The following ASGR2 variants were observed in gnomAD, a reference collection of about 807,000 sequenced individuals.
ASGR2 encodes the protein C-type lectin domain family 4 member H2.
ASGR2 carries 34 observed loss-of-function variants against 32.3 expected under a neutral mutation model. That is an observed-to-expected ratio of 1.05 (90% CI 0.80 to 1.40). The LOEUF (loss-of-function observed/expected upper bound fraction) is 1.40. ASGR2 is among the 40% of genes most tolerant of loss of function. The pLI is 0.00. For synonymous variants in ASGR2, 143 were observed against 150.0 expected, an observed-to-expected ratio of 0.95 and a Z score of 0.34; for missense variants, 385 against 386.4, an observed-to-expected ratio of 1.00 and a Z score of 0.03.
In ASGR2 at chr17:7,114,806, C is replaced by G. The variant is rs183301562; in HGVS notation, c.-262G>C. The G allele has an allele frequency of 8.6e-4, 855 of 989,622 alleles. No homozygotes were observed. Among genetic ancestry groups the G allele is most frequent in the Middle Eastern group, 1.0e-3 (2 of 1,926 alleles). 61.3% of individuals were successfully genotyped at this position (989,622 alleles called of 1,614,324 possible). On this transcript the variant is annotated 5_prime_UTR_variant, in exon 1 of 9. Coordinates refer to ENST00000691900, the MANE Select transcript of ASGR2 (RefSeq NM_001201352.2). This position sits in a 1 kb window ranked among gnomAD's most constrained non-coding sequence, Gnocchi z 4.5. ...AAGCTCTAACCTGGCACCTCCTGGC[C>G]TGGGACTTTGGACAGTAAACAGAAG... is the stretch of plus-strand genomic sequence containing the variant.
chr17:7,113,944 T>C lies in ASGR2; in HGVS notation c.124+173A>G, dbSNP rs1424279313. 6.6e-6 allele frequency among the ~76,000 whole-genome samples: 1 copy of C among 152,210 alleles called. No homozygotes were observed. Among genetic ancestry groups the C allele is most frequent in the Non-Finnish European group, 1.5e-5 (1 of 68,026 alleles). On this transcript the variant is annotated intron_variant, in intron 2 of 8. Transcript: ENST00000691900. This position sits in a 1 kb window ranked among gnomAD's most constrained non-coding sequence, Gnocchi z 5.1. ...CAGATCTCCCCACACCTCTGGCACA[T>C]GCCTTTCCTGGGGTCCTGGGGTAGA... is the stretch of plus-strand genomic sequence containing the variant.
At chr17:7,105,634 A>G (rs1247012277) in intron 7 of ASGR2, among the ~76,000 whole-genome samples, 1 of 152,080 alleles carries the variant, frequency 6.6e-6, no homozygotes, top group Non-Finnish European at 1.5e-5. Flanking sequence ...AGCTGAGATC[A>G]TGCCACTGCA....
chr17:7,107,884 T>C lies in ASGR2; in HGVS notation c.361A>G (p.Thr121Ala). Residue 121 changes from threonine to alanine, a missense_variant, in exon 5 of 9, where the codon ACA (threonine) becomes GCA (alanine). Coordinates refer to ENST00000691900, the MANE Select transcript of ASGR2 (RefSeq NM_001201352.2). The surrounding 1 kb of genome is among the most constrained non-coding windows in gnomAD (Gnocchi z 5.0). ...TTCTCCAGCTTGGCTCCTAGGGATG[T>C]GATCTTGTCACCCACGCTGCCTCCT... ...THGGSVGDKI[T>A]SLGAKLEKQQ... 1.9e-6 allele frequency: 3 copies of C among 1,614,022 alleles called. No homozygotes were observed. The highest frequency in any genetic ancestry group is 2.5e-6 in the Non-Finnish European group (3 of 1,179,986).
intron 2 of ASGR2, among the ~76,000 whole-genome samples, 196 bp from the exon 3 acceptor site, chr17:7,109,084 T>C (rs1914290761): frequency 6.6e-6 from 1 of 151,772 alleles, no homozygotes. Context: ...CATATTACCA[T>C]GTATAAATAT....
chr17:7,103,746 GT>G (rs1274307491), intron 7 of ASGR2, among the ~76,000 whole-genome samples: 1 of 152,130 alleles, frequency 6.6e-6, no homozygotes, highest in Non-Finnish European at 1.5e-5. Context: ...AAGAAGCCTT[GT>G]TTCGGAATAT....
In ASGR2 at chr17:7,114,252, G is replaced by GGCTGGA. The variant is rs532297681; in HGVS notation, c.-18_-13dup. On this transcript the variant is annotated 5_prime_UTR_variant, in exon 2 of 9. Transcript: ENST00000691900. This position sits in a 1 kb window ranked among gnomAD's most constrained non-coding sequence, Gnocchi z 4.5. ...AAGTCCTTGGCCATGATGGGGCCCGGGCTGGAGCTGGAGCTGGAGCTGGGC... is the reference window on the plus strand; with the variant it reads ...AAGTCCTTGGCCATGATGGGGCCCGGGCTGGAGCTGGAGCTGGAGCTGGAGCTGGGC... 195 of 1,613,524 alleles carry GGCTGGA rather than the reference G, an allele frequency of 1.2e-4. No homozygotes were observed. The highest frequency in any genetic ancestry group is 1.1e-3 in the African/African-American group (80 of 75,018).
At chr17:7,102,657 C>T (rs1198458746) in intron 7 of ASGR2, among the ~76,000 whole-genome samples, 1 of 152,216 alleles carries the variant, frequency 6.6e-6, no homozygotes, top group African/African-American at 2.4e-5. Context: ...CTGGTCCCTG[C>T]TCTTACTGCC....
At position 7,113,743 on chromosome 17, in the gene ASGR2, TACAC is replaced by T. The variant is rs79270820; in HGVS notation, c.124+370_124+373del. Among the ~76,000 whole-genome samples, 87,941 of 151,120 alleles carry T rather than the reference TACAC, an allele frequency of 0.58. 25,687 individuals carry two copies. The highest frequency in any genetic ancestry group is 0.64 in the Admixed American group (9,771 of 15,214). On this transcript the variant is annotated intron_variant, in intron 2 of 8. Transcript: ENST00000691900. The surrounding 1 kb of genome is among the most constrained non-coding windows in gnomAD (Gnocchi z 5.1). ...AACATACCCTCTCACATACACGACA[TACAC>T]ACACACAACATATGCACGCTCTCGC... is the stretch of plus-strand genomic sequence containing the variant.
In ASGR2 at chr17:7,101,365, G is replaced by A; in HGVS notation, c.*210C>T. The A allele has an allele frequency of 3.4e-6, 2 of 582,892 alleles. No individual in the cohort carries two copies. The highest frequency in any genetic ancestry group is 2.9e-6 in the Non-Finnish European group (1 of 344,524). 36.1% of individuals were successfully genotyped at this position (582,892 alleles called of 1,614,324 possible). A position where few individuals can be genotyped will look rare whatever the true frequency, so the allele number is the denominator to read the frequency against. ...TCTTCTTTCCTACGCCATTGAAGAG[G>A]CTGACGATTATAATAATTACAATGA... On this transcript the variant is annotated 3_prime_UTR_variant, in exon 9 of 9. Coordinates refer to ENST00000691900, the MANE Select transcript of ASGR2 (RefSeq NM_001201352.2).
At position 7,108,945 on chromosome 17, in the gene ASGR2, A is replaced by G. The variant is rs1374435269; in HGVS notation, c.125-57T>C. On this transcript the variant is annotated intron_variant, in intron 2 of 8. Coordinates refer to ENST00000691900, the MANE Select transcript of ASGR2 (RefSeq NM_001201352.2). The surrounding 1 kb of genome is among the most constrained non-coding windows in gnomAD (Gnocchi z 4.9). ...CTGGGTGTGGGGAGCCGGAGGGTAA[A>G]GACAGGGCACCGAAGCCTGAGGAGG... 5.1e-6 allele frequency: 7 copies of G among 1,379,660 alleles called. No individual in the cohort carries two copies. In the Admixed American group the frequency reaches 1.3e-4, roughly 26 times the overall value. The allele number at this position is 1,379,660 out of a possible 1,614,324, so 85.5% of individuals were successfully genotyped here.
Position 7,101,563 on chromosome 17 carries a change from G to A in ASGR2, c.*12C>T, listed in dbSNP as rs375254936. 2.6e-5 allele frequency: 42 copies of A among 1,613,040 alleles called. No individual in the cohort carries two copies. The African/African-American group carries it at 4.5e-4, about 17-fold the overall frequency. On this transcript the variant is annotated 3_prime_UTR_variant, in exon 9 of 9. Coordinates refer to ENST00000691900, the MANE Select transcript of ASGR2 (RefSeq NM_001201352.2). The stretch of plus-strand genomic sequence containing the variant: ...AGGTGTGGGGTATGGGTTAGCCAGA[G>A]GTGTGCTGGGGTCAGGCCACCTCGC...
chr17:7,106,956 G>A (rs1168928544), intron 7 of ASGR2, 44 bp downstream of exon 7: 14 of 1,609,294 alleles, frequency 8.7e-6, no homozygotes, highest in Non-Finnish European at 1.1e-5. Flanking sequence ...CCCAGAGCAG[G>A]CCTTCCAAGG....
rs771595695 is a variant in ASGR2, at chr17:7,114,050, T to G, written c.124+67A>C. 3.5e-5 allele frequency: 56 copies of G among 1,599,458 alleles called. No individual in the cohort carries two copies. The highest frequency in any genetic ancestry group is 4.2e-5 in the Non-Finnish European group (49 of 1,173,182). ...TCACAGAGTGGGTGCGGCAGAGACC[T>G]CAAAGGGACAGAGCAATCATGAGCT... On this transcript the variant is annotated intron_variant, in intron 2 of 8. Transcript: ENST00000691900. This position sits in a 1 kb window ranked among gnomAD's most constrained non-coding sequence, Gnocchi z 4.5.
chr17:7,108,649 C>G lies in ASGR2; in HGVS notation c.242-92G>C. 1 of 1,601,320 alleles carries G rather than the reference C, an allele frequency of 6.2e-7. No homozygotes were observed. On this transcript the variant is annotated intron_variant, in intron 3 of 8. Transcript: ENST00000691900. The surrounding 1 kb of genome is among the most constrained non-coding windows in gnomAD (Gnocchi z 4.9). ...TGGCCCCTCAATGTCCCCGCATTTG[C>G]CCCAGCTTGTGCTCCACCCCGCCTC... is the stretch of plus-strand genomic sequence containing the variant.
chr17:7,107,926 C>T lies in ASGR2; in HGVS notation c.338-19G>A, dbSNP rs1273521798. 2 of 1,613,752 alleles carry T rather than the reference C, an allele frequency of 1.2e-6. No individual in the cohort carries two copies. Among genetic ancestry groups the T allele is most frequent in the East Asian group, 2.2e-5 (1 of 44,852 alleles). ...CTGCCTCCTGGAAGCGGAAAGCCAG[C>T]TGTTTCCCCGCTGAGCCTCCCTCCG... is the stretch of plus-strand genomic sequence containing the variant. On this transcript the variant is annotated intron_variant, in intron 4 of 8. Coordinates refer to ENST00000691900, the MANE Select transcript of ASGR2 (RefSeq NM_001201352.2). The surrounding 1 kb of genome is among the most constrained non-coding windows in gnomAD (Gnocchi z 5.0).
In ASGR2 at chr17:7,113,367, CATA is replaced by C. The variant is rs1238653955; in HGVS notation, c.124+747_124+749del. On this transcript the variant is annotated intron_variant, in intron 2 of 8. Coordinates refer to ENST00000691900, the MANE Select transcript of ASGR2 (RefSeq NM_001201352.2). This position sits in a 1 kb window ranked among gnomAD's most constrained non-coding sequence, Gnocchi z 5.1. Reference sequence around the variant, plus strand: ...GCAACACACTCACACACACAACATACATAACACACTCACAACATACACACACAA... The same window carrying C: ...GCAACACACTCACACACACAACATACACACACTCACAACATACACACACAA... Among the ~76,000 whole-genome samples, 1 of 149,884 alleles carries C rather than the reference CATA, an allele frequency of 6.7e-6. No homozygotes were observed. Among genetic ancestry groups the C allele is most frequent in the East Asian group, 1.9e-4 (1 of 5,144 alleles).
intron 2 of ASGR2, among the ~76,000 whole-genome samples, chr17:7,111,672 AAAAG>A (rs1174179612): frequency 1.4e-5 from 2 of 143,904 alleles, no homozygotes; most frequent in African/African-American, 2.9e-5. Context: ...AAAAAAAAAG[AAAAG>A]AAAGAAAAGA....
At position 7,108,135 on chromosome 17, in the gene ASGR2, G is replaced by A. The variant is rs62058756; in HGVS notation, c.338-228C>T. On this transcript the variant is annotated intron_variant, in intron 4 of 8. Coordinates refer to ENST00000691900, the MANE Select transcript of ASGR2 (RefSeq NM_001201352.2). The surrounding 1 kb of genome is among the most constrained non-coding windows in gnomAD (Gnocchi z 4.9). ...AAATAAAGCCTCGCTCTGTCAGCAC[G>A]GCTCACCTGCGTGGCCGGGCCCCTC... Among the ~76,000 whole-genome samples the A allele has an allele frequency of 0.24, 36,901 of 152,062 alleles. 4,685 individuals are homozygous for A. Among genetic ancestry groups the A allele is most frequent in the East Asian group, 0.29 (1,498 of 5,158 alleles).
At chr17:7,111,452 C>T (rs561274219) in intron 2 of ASGR2, among the ~76,000 whole-genome samples, 29 of 151,830 alleles carry the variant, frequency 1.9e-4, no homozygotes, top group South Asian at 6.2e-4. Flanking sequence ...GTCAGGAGAT[C>T]GACACCATCC....
Sources: allele counts gnomAD v4.1 joint callset (sites outside exome capture counted in the v4.1 genomes callset), GRCh38; gene constraint gnomAD v4.1.1; non-coding constraint Gnocchi (gnomAD v3.1); transcripts MANE v1.5; gene names NCBI Gene and HGNC (gene_info 2026-07-23, HGNC 2026-07-21).